Variants in TTC28 observed in about 807,000 individuals in gnomAD.
The protein encoded by TTC28 is tetratricopeptide repeat protein 28.
Under a neutral mutation model 198.0 loss-of-function variants are expected in TTC28, and 61 were observed. The observed-to-expected ratio is 0.31, with a 90% CI of 0.25 to 0.38. The LOEUF is 0.38. Ranked by LOEUF, TTC28 falls within the 10% of genes least tolerant of loss-of-function variation. The probability of loss-of-function intolerance (pLI) is 1.00; values close to 1 mark genes in which losing one functional copy is unlikely to be tolerated. For synonymous variants in TTC28, 1,171 were observed against 1,297.8 expected (o/e 0.90, Z 2.10); for missense variants, 2,678 against 3,164.0 (o/e 0.85, Z 3.69).
At chr22:28,321,197 T>A (rs930326509) in intron 2 of TTC28, among the ~76,000 whole-genome samples, 2 of 152,206 alleles carry the variant, frequency 1.3e-5, no homozygotes, top group African/African-American at 4.8e-5. Context: ...CTTATGCCTG[T>A]AATCTAATTA....
intron 6 of TTC28, among the ~76,000 whole-genome samples, chr22:28,162,278 T>C (rs1569170404): frequency 6.6e-6 from 1 of 152,232 alleles, no homozygotes; most frequent in Non-Finnish European, 1.5e-5. Context: ...TTTAAATAGA[T>C]CTTTCACAAA....
At chr22:28,535,679 G>C (rs1289333348) in intron 2 of TTC28, among the ~76,000 whole-genome samples, 1 of 151,942 alleles carries the variant, frequency 6.6e-6, no homozygotes, top group Non-Finnish European at 1.5e-5. Flanking sequence ...CTGAACCACG[G>C]GGATGGACTT....
chr22:28,602,595 T>G lies in TTC28; in HGVS notation c.381+26957A>C, dbSNP rs1318005104. Among the ~76,000 whole-genome samples, 4 of 152,208 alleles carry G rather than the reference T, an allele frequency of 2.6e-5. No individual in the cohort carries two copies. The East Asian group carries it at 5.8e-4, about 22-fold the overall frequency. Reference sequence around the variant, plus strand: ...TTATAGGACAAACATGATAAAATGTTAACAACTGGGGGATCTAGATAAAAG... The same window carrying G: ...TTATAGGACAAACATGATAAAATGTGAACAACTGGGGGATCTAGATAAAAG... On this transcript the variant is annotated intron_variant, in intron 2 of 22. Coordinates refer to ENST00000397906, the MANE Select transcript of TTC28 (RefSeq NM_001145418.2).
chr22:28,526,097 T>C (rs1315198195), intron 2 of TTC28, among the ~76,000 whole-genome samples: 1 of 152,080 alleles, frequency 6.6e-6, no homozygotes, highest in East Asian at 1.9e-4. Context: ...GGCTGTGGAG[T>C]GGGAAACATT....
chr22:28,528,729 C>G (rs1176813741), intron 2 of TTC28, among the ~76,000 whole-genome samples: 2 of 131,506 alleles, frequency 1.5e-5, no homozygotes, highest in Admixed American at 8.2e-5. Context: ...GAGCAAGACC[C>G]TGTCTCATAA....
intron 2 of TTC28, among the ~76,000 whole-genome samples, chr22:28,579,487 TTA>T (rs527944822): frequency 3.2e-4 from 47 of 148,668 alleles, no homozygotes; most frequent in African/African-American, 1.1e-3. Context: ...TTATATATAG[TTA>T]TATGTATAGT....
chr22:28,169,108 C>G (rs961167436), intron 5 of TTC28, among the ~76,000 whole-genome samples: 1 of 152,174 alleles, frequency 6.6e-6, no homozygotes, highest in Non-Finnish European at 1.5e-5. Context: ...AAATGCAAAT[C>G]AAAACCACAA....
intron 2 of TTC28, among the ~76,000 whole-genome samples, chr22:28,626,690 C>A (rs1005187306): frequency 6.6e-6 from 1 of 151,854 alleles, no homozygotes; most frequent in African/African-American, 2.4e-5. Context: ...CTCAAAAGAA[C>A]CTTTTGTGAT....
At chr22:28,339,047 G>T (rs1010577355) in intron 2 of TTC28, among the ~76,000 whole-genome samples, 2 of 152,142 alleles carry the variant, frequency 1.3e-5, no homozygotes, top group Non-Finnish European at 2.9e-5. Flanking sequence ...TACAGATGGG[G>T]TTTTGGTGTG....
At chr22:28,049,084 C>T (rs1442894499) in intron 12 of TTC28, among the ~76,000 whole-genome samples, 2 of 152,256 alleles carry the variant, frequency 1.3e-5, no homozygotes, top group South Asian at 2.1e-4. Flanking sequence ...TGTGGAGGCA[C>T]GGACCCTGTC....
chr22:28,260,218 G>A (rs1389197437), intron 5 of TTC28, among the ~76,000 whole-genome samples: 2 of 152,266 alleles, frequency 1.3e-5, no homozygotes, highest in African/African-American at 2.4e-5. Context: ...TGAAGCAGAA[G>A]TGGAAGAAGT....
intron 5 of TTC28, among the ~76,000 whole-genome samples, chr22:28,229,413 CAACCATTGCCA>C (rs1928627774): frequency 6.6e-6 from 1 of 152,192 alleles, no homozygotes; most frequent in Non-Finnish European, 1.5e-5. Context: ...GAACTGCTAT[CAACCATTGCCA>C]GCAAAAAGCT....
chr22:28,162,729 G>A lies in TTC28; in HGVS notation c.1441+363C>T, dbSNP rs143146553. Among the ~76,000 whole-genome samples the A allele has an allele frequency of 9.8e-3, 1,489 of 152,232 alleles. 34 individuals are homozygous for A. The highest frequency in any genetic ancestry group is 0.083 in the East Asian group (429 of 5,168). On this transcript the variant is annotated intron_variant, in intron 6 of 22. Coordinates refer to ENST00000397906, the MANE Select transcript of TTC28 (RefSeq NM_001145418.2). ...TTTGGAAAGCCGAGGTGGGAGGATC[G>A]CTTGAGCCCAGGAGTTCGAGACCAG...
At chr22:28,451,190 G>C (rs1161144273) in intron 2 of TTC28, among the ~76,000 whole-genome samples, 1 of 152,152 alleles carries the variant, frequency 6.6e-6, no homozygotes, top group Non-Finnish European at 1.5e-5. Flanking sequence ...AGCTCATCAG[G>C]ACTGCAAGAC....
intron 6 of TTC28, among the ~76,000 whole-genome samples, chr22:28,152,911 T>A (rs908001619): frequency 1.3e-5 from 2 of 152,110 alleles, no homozygotes; most frequent in African/African-American, 2.4e-5. Flanking sequence ...TATAGAAAAA[T>A]TTTTCTCCTA....
Position 28,107,620 on chromosome 22 carries a change from C to T in TTC28, c.2225G>A (p.Gly742Asp). Residue 742 changes from glycine to aspartate, a missense_variant, in exon 7 of 23, where the codon GGC (glycine) becomes GAC (aspartate). Gly to Asp is a moderately conservative substitution (Grantham distance 94). Transcript: ENST00000397906. ...GAIKFYEQQL[G>D]LAHQVKDRRL... ...TCTGTCCTTTACCTGGTGAGCTAAG[C>T]CCAGTTGCTGCTCATAGAATTTTAT... 2 of 1,551,718 alleles carry T rather than the reference C, an allele frequency of 1.3e-6. No homozygotes were observed. The highest frequency in any genetic ancestry group is 1.7e-6 in the Non-Finnish European group (2 of 1,146,998).
At chr22:28,669,368 T>A (rs2051840872) in intron 1 of TTC28, among the ~76,000 whole-genome samples, 1 of 151,176 alleles carries the variant, frequency 6.6e-6, no homozygotes, top group Non-Finnish European at 1.5e-5. Context: ...GGTGACTGAA[T>A]CCCAAAATTA....
chr22:28,600,411 T>C (rs1211439115), intron 2 of TTC28, among the ~76,000 whole-genome samples: 2 of 151,964 alleles, frequency 1.3e-5, no homozygotes, highest in Non-Finnish European at 2.9e-5. Context: ...CTTCAAAAAA[T>C]AAAACTAAAA....
Position 28,349,190 on chromosome 22 carries a change from C to T in TTC28, c.382-42547G>A, listed in dbSNP as rs150715654. On this transcript the variant is annotated intron_variant, in intron 2 of 22. Transcript: ENST00000397906. ...ACACATGCATGTGCACGCACACACA[C>T]ACACAGACATGTACACACCCATAAA... Among the ~76,000 whole-genome samples the T allele has an allele frequency of 2.9e-3, 438 of 152,240 alleles. 2 individuals are homozygous for T. The highest frequency in any genetic ancestry group is 2.3e-3 in the Non-Finnish European group (155 of 68,030).
Sources: allele counts gnomAD v4.1 joint callset (sites outside exome capture counted in the v4.1 genomes callset), GRCh38; gene constraint gnomAD v4.1.1; transcripts MANE v1.5; gene names NCBI Gene and HGNC (gene_info 2026-07-23, HGNC 2026-07-21).